KAZN: variants seen among roughly 807,000 people sequenced by gnomAD.
The protein encoded by KAZN is kazrin.
KAZN carries 40 observed loss-of-function variants against 87.4 expected under a neutral mutation model. The ratio of observed to expected loss-of-function variants is 0.46; its 90% CI spans 0.36 to 0.60. The LOEUF (loss-of-function observed/expected upper bound fraction) is 0.60, where lower values mean the gene tolerates loss of function less well. KAZN is among the 20% of genes least tolerant of loss of function. The pLI is 0.00. For missense variants in KAZN, 898 were observed against 1,073.9 expected (o/e 0.84, Z 2.29); for synonymous variants, 466 against 458.3 (o/e 1.02, Z -0.22).
At chr1:14,606,944 T>C (rs1677414307) in intron 1 of KAZN, among the ~76,000 whole-genome samples, 1 of 152,184 alleles carries the variant, frequency 6.6e-6, no homozygotes, top group African/African-American at 2.4e-5. Context: ...TGCAGTGGTG[T>C]TAGGGGAGAC....
intron 2 of KAZN, among the ~76,000 whole-genome samples, chr1:14,306,285 G>T (rs547771732): frequency 6.6e-6 from 1 of 152,124 alleles, no homozygotes; most frequent in African/African-American, 2.4e-5. Context: ...TCTCTGAAAG[G>T]GTATTTGGTA....
chr1:14,444,129 G>A (rs1005574496), intron 2 of KAZN, among the ~76,000 whole-genome samples: 10 of 152,030 alleles, frequency 6.6e-5, no homozygotes, highest in African/African-American at 2.4e-4. Context: ...TTCAGACACA[G>A]AGTAACTCTC....
chr1:14,392,492 G>A (rs915619860), intron 2 of KAZN, among the ~76,000 whole-genome samples: 1 of 152,116 alleles, frequency 6.6e-6, no homozygotes, highest in Non-Finnish European at 1.5e-5. Context: ...CCTGTGGAGG[G>A]TGCTGGATAT....
chr1:14,547,726 G>A (rs1016597201), intron 2 of KAZN, among the ~76,000 whole-genome samples: 1 of 151,948 alleles, frequency 6.6e-6, no homozygotes, highest in Non-Finnish European at 1.5e-5. Flanking sequence ...GGAACTACAG[G>A]TGCCCACCAC....
intron 2 of KAZN, among the ~76,000 whole-genome samples, chr1:14,363,726 A>G (rs139900537): frequency 1.3e-5 from 2 of 152,322 alleles, no homozygotes; most frequent in East Asian, 3.9e-4. Context: ...TGTAGAAAGA[A>G]AGAACAAGAG....
intron 1 of KAZN, among the ~76,000 whole-genome samples, chr1:14,831,570 T>C (rs1274231196): frequency 1.3e-5 from 2 of 152,228 alleles, no homozygotes; most frequent in South Asian, 2.1e-4. Flanking sequence ...CACACCACCA[T>C]GAAGGCATTG....
Position 14,820,318 on chromosome 1 carries a change from C to T in KAZN, c.227-140366C>T, listed in dbSNP as rs1427150014. ...GAGGCTTCAGGGCTTTTGAGGGTTA[C>T]TTAGCCAAGTCATTGCCTCTGTTCC... On this transcript the variant is annotated intron_variant, in intron 1 of 14. Coordinates refer to ENST00000376030, the MANE Select transcript of KAZN (RefSeq NM_201628.3). The surrounding 1 kb of genome is among the most constrained non-coding windows in gnomAD (Gnocchi z 4.1). Among the ~76,000 whole-genome samples, 2 of 152,230 alleles carry T rather than the reference C, an allele frequency of 1.3e-5. No homozygotes were observed. Among genetic ancestry groups the T allele is most frequent in the East Asian group, 1.9e-4 (1 of 5,194 alleles).
At chr1:14,766,892 C>G (rs1644898973) in intron 1 of KAZN, among the ~76,000 whole-genome samples, 1 of 151,824 alleles carries the variant, frequency 6.6e-6, no homozygotes, top group African/African-American at 2.4e-5. Flanking sequence ...ATTCAGTGCC[C>G]TTTAGCTATC....
upstream of KAZN, among the ~76,000 whole-genome samples, chr1:14,596,761 G>T (rs748333932): frequency 2.0e-5 from 3 of 152,136 alleles, no homozygotes; most frequent in Admixed American, 6.5e-5. Context: ...CTTCATCCAC[G>T]TAGTAGTAGC....
At chr1:14,100,241 T>C (rs1644219805) in intron 1 of KAZN, among the ~76,000 whole-genome samples, 1 of 152,112 alleles carries the variant, frequency 6.6e-6, no homozygotes, top group Non-Finnish European at 1.5e-5. Context: ...TTGAGGTGGC[T>C]ATTTGAGTCC....
At chr1:15,004,851 G>A (rs560882107) in intron 2 of KAZN, among the ~76,000 whole-genome samples, 6 of 152,130 alleles carry the variant, frequency 3.9e-5, no homozygotes, top group Admixed American at 1.3e-4. Context: ...TATAATAATA[G>A]TACCCACCAC....
rs944677887 is a variant in KAZN, at chr1:15,081,607, T to C, written c.1223-12573T>C. On this transcript the variant is annotated intron_variant, in intron 8 of 14. Coordinates refer to ENST00000376030, the MANE Select transcript of KAZN (RefSeq NM_201628.3). The surrounding 1 kb of genome is among the most constrained non-coding windows in gnomAD (Gnocchi z 4.1). ...GTGTGTGTGTTGGGGAGTTGTAGGG[T>C]ACCCACACTAGGTGACCAGGAAAGG... Among the ~76,000 whole-genome samples, 1 of 151,916 alleles carries C rather than the reference T, an allele frequency of 6.6e-6. No homozygotes were observed. The highest frequency in any genetic ancestry group is 2.4e-5 in the African/African-American group (1 of 41,360).
At chr1:13,922,043 C>T (rs923607824) in intron 1 of KAZN, among the ~76,000 whole-genome samples, 5 of 152,108 alleles carry the variant, frequency 3.3e-5, no homozygotes, top group African/African-American at 1.2e-4. Flanking sequence ...CAGTGTCTGA[C>T]ACATATACTG....
chr1:14,910,498 T>C (rs965490767), intron 1 of KAZN, among the ~76,000 whole-genome samples: 31 of 152,224 alleles, frequency 2.0e-4, no homozygotes, highest in African/African-American at 7.2e-4. Flanking sequence ...CCAGGAGCAG[T>C]CCCCACCTCC....
Position 14,626,792 on chromosome 1 carries a change from C to A in KAZN, c.226+27569C>A, listed in dbSNP as rs1014119536. On this transcript the variant is annotated intron_variant, in intron 1 of 14. Coordinates refer to ENST00000376030, the MANE Select transcript of KAZN (RefSeq NM_201628.3). ...ACGTGCAGCCTACTCTCCAGCCACA[C>A]CAAAATCCTCGAAGCCTTTTCCAGA... Among the ~76,000 whole-genome samples, 4 of 152,158 alleles carry A rather than the reference C, an allele frequency of 2.6e-5. No individual in the cohort carries two copies. In the South Asian group the frequency reaches 8.3e-4, roughly 32 times the overall value.
intron 1 of KAZN, among the ~76,000 whole-genome samples, chr1:14,879,493 CTT>C (rs1653104922): frequency 6.6e-6 from 1 of 152,186 alleles, no homozygotes. Flanking sequence ...ATTAGCATCA[CTT>C]TGCCAGCCAG....
chr1:14,012,300 G>C (rs947696232), intron 1 of KAZN, among the ~76,000 whole-genome samples: 3 of 152,224 alleles, frequency 2.0e-5, no homozygotes, highest in African/African-American at 7.2e-5. Flanking sequence ...ACCTGAACCA[G>C]TGTGCAACTT....
At chr1:14,463,309 T>C (rs1667950348) in intron 2 of KAZN, among the ~76,000 whole-genome samples, 1 of 152,162 alleles carries the variant, frequency 6.6e-6, no homozygotes, top group South Asian at 2.1e-4. Flanking sequence ...ATCTGCTGGC[T>C]TCTTCACTTT....
intron 1 of KAZN, among the ~76,000 whole-genome samples, chr1:14,823,140 C>A (rs911500028): frequency 1.1e-4 from 16 of 152,218 alleles, no homozygotes; most frequent in African/African-American, 3.9e-4. Context: ...GCATGTGGCA[C>A]CACACCTGGG....
Sources: gnomAD v4.1 joint callset for allele counts (sites outside exome capture counted in the v4.1 genomes callset) on GRCh38, gnomAD v4.1.1 for gene constraint, Gnocchi (gnomAD v3.1) non-coding constraint, MANE v1.5 for transcripts, NCBI Gene and HGNC (gene_info 2026-07-23, HGNC 2026-07-21) for gene names.